The following GTPBP1 variants were observed in gnomAD, a reference collection of about 807,000 sequenced individuals.
GTPBP1 encodes GTP-binding protein 1.
GTPBP1 carries 23 observed loss-of-function variants against 62.0 expected under a neutral mutation model. That is an observed-to-expected ratio of 0.37 (90% CI 0.27 to 0.53). GTPBP1 has a LOEUF of 0.53. GTPBP1 is among the 20% of genes least tolerant of loss of function. The probability of loss-of-function intolerance (pLI) is 0.89; values close to 1 mark genes in which losing one functional copy is unlikely to be tolerated. For missense variants in GTPBP1, 640 were observed against 917.3 expected (o/e 0.70, Z 3.90); for synonymous variants, 344 against 364.4 (o/e 0.94, Z 0.64).
At chr22:38,723,575 A>T (rs934471233) in intron 5 of GTPBP1, 1 of 581,952 alleles carries the variant, frequency 1.7e-6, no homozygotes. Context: ...ATCAGCCCAG[A>T]ATCTTCTGCT....
Position 38,732,777 on chromosome 22 carries a change from A to G in GTPBP1, c.*2073A>G, listed in dbSNP as rs1035731109. ...AGTGGTGTGATCTCTGCTCACTGCAACCTCCGCCTGCCAGTTTCAAGTGAT... is the reference window on the plus strand; with the variant it reads ...AGTGGTGTGATCTCTGCTCACTGCAGCCTCCGCCTGCCAGTTTCAAGTGAT... On this transcript the variant is annotated 3_prime_UTR_variant, in exon 12 of 12. Transcript: ENST00000216044. The G allele has an allele frequency of 6.6e-6, 1 of 152,042 alleles. No homozygotes were observed. The highest frequency in any genetic ancestry group is 6.6e-5 in the Admixed American group (1 of 15,264). The allele number at this position is 152,042 out of a possible 1,614,324, so 9.4% of individuals were successfully genotyped here.
chr22:38,736,464 G>A (rs2092806258), downstream of GTPBP1: 3 of 1,156,998 alleles, frequency 2.6e-6, no homozygotes, highest in Non-Finnish European at 2.4e-6. Flanking sequence ...AGACAGCCTC[G>A]CCTAGGGCCA....
intron 5 of GTPBP1, chr22:38,723,522 G>A (rs986665619): frequency 2.4e-5 from 16 of 656,292 alleles, no homozygotes; most frequent in African/African-American, 5.4e-5. Flanking sequence ...GCACGCGGGC[G>A]AAACTTCCTT....
At chr22:38,740,895 C>T, downstream of GTPBP1, 1 of 1,221,114 alleles carries the variant, frequency 8.2e-7, no homozygotes, top group Non-Finnish European at 1.2e-6. This position sits in a 1 kb window ranked among gnomAD's most constrained non-coding sequence, Gnocchi z 4.8. Flanking sequence ...CTACCATCTG[C>T]TTGGCAAGAT....
chr22:38,738,704 G>A (rs780635160), downstream of GTPBP1: 28 of 1,613,566 alleles, frequency 1.7e-5, no homozygotes, highest in South Asian at 1.6e-4. This position sits in a 1 kb window ranked among gnomAD's most constrained non-coding sequence, Gnocchi z 6.6. Context: ...GGACCACGGC[G>A]AAGCCTTGTG....
rs1333855529 is a variant in GTPBP1 at position 38,715,950 on chromosome 22, C to T, written c.348C>T (p.Ser116=). The change falls in exon 3 of 12, where the codon TCC becomes TCT. Residue 116 remains serine (S), a synonymous_variant. Coordinates refer to ENST00000216044, the MANE Select transcript of GTPBP1 (RefSeq NM_004286.5). Reference sequence around the variant, plus strand: ...TGAGTGAAGCTGACATGGAGGCCTCCTACGCCACAGTGAAGAGCATGGCGG... The same window carrying T: ...TGAGTGAAGCTGACATGGAGGCCTCTTACGCCACAGTGAAGAGCATGGCGG... The part of the protein sequence containing the change: ...YGLSEADMEA[S]YATVKSMAEQ... 1.9e-6 allele frequency: 3 copies of T among 1,613,952 alleles called. No homozygotes were observed. The South Asian group carries it at 3.3e-5, about 18-fold the overall frequency.
At chr22:38,738,420 G>C, downstream of GTPBP1, 1 of 1,136,304 alleles carries the variant, frequency 8.8e-7, no homozygotes, top group Non-Finnish European at 1.3e-6. The surrounding 1 kb of genome is among the most constrained non-coding windows in gnomAD (Gnocchi z 6.6). Flanking sequence ...TGCCTCCAAA[G>C]CCTAAGGTAA....
chr22:38,718,478 A>G (rs1315849254), intron 4 of GTPBP1, among the ~76,000 whole-genome samples: 1 of 152,234 alleles, frequency 6.6e-6, no homozygotes, highest in Non-Finnish European at 1.5e-5. Flanking sequence ...TATTTAAAAT[A>G]TATAGAAAAC....
chr22:38,729,688 G>C, intron 11 of GTPBP1, 26 bp downstream of exon 11: 1 of 1,438,912 alleles, frequency 6.9e-7, no homozygotes, highest in African/African-American at 1.5e-5. Context: ...TCGCAGCTTC[G>C]GCATGGTGGT....
rs1313522333 is a variant in GTPBP1 at position 38,730,646 on chromosome 22, GC to G, written c.1954del (p.Gln652SerfsTer5). On this transcript the variant is annotated frameshift_variant, in exon 12 of 12. Transcript: ENST00000216044. LOFTEE classifies it high-confidence loss of function. The surrounding 1 kb of genome is among the most constrained non-coding windows in gnomAD (Gnocchi z 5.6). The stretch of plus-strand genomic sequence containing the variant: ...AGCAGTGGAGGCCGGCGACGAGGGG[GC>G]CAGCGCCACAAGGTGAAGTCCCAGG... ...KPSSGGRRRG[G>X]QRHKVKSQGA... is the part of the protein sequence containing the mutation. 1 of 1,606,166 alleles carries G rather than the reference GC, an allele frequency of 6.2e-7. No homozygotes were observed. The highest frequency in any genetic ancestry group is 1.1e-5 in the South Asian group (1 of 91,042).
chr22:38,716,141 C>T lies in GTPBP1; in HGVS notation c.485+54C>T, dbSNP rs2092669114. ...CCCCATTCTTCACAGAGGTTGGTGA[C>T]TGAGCCTGTGGCACTTGGCGTGTCA... On this transcript the variant is annotated intron_variant, in intron 3 of 11. Coordinates refer to ENST00000216044, the MANE Select transcript of GTPBP1 (RefSeq NM_004286.5). This position sits in a 1 kb window ranked among gnomAD's most constrained non-coding sequence, Gnocchi z 5.2. The T allele has an allele frequency of 3.5e-6, 5 of 1,430,986 alleles. No homozygotes were observed. The South Asian group carries it at 6.1e-5, about 18-fold the overall frequency. The allele number at this position is 1,430,986 out of a possible 1,614,324, so 88.6% of individuals were successfully genotyped here. A position where few individuals can be genotyped will look rare whatever the true frequency, so the allele number is the denominator to read the frequency against.
Position 38,706,046 on chromosome 22 carries a change from G to A in GTPBP1, c.91G>A (p.Ala31Thr), listed in dbSNP as rs764171310. Reference protein sequence around the residue: ...PEPSSPGAARAAAAAARLHGG... With the variant: ...PEPSSPGAARTAAAAARLHGG... ...GCCCAGCTCCCCGGGGGCGGCCAGG[G>A]CCGCGGCGGCCGCCGCCCGACTCCA... The change falls in exon 1 of 12, where the codon GCC becomes ACC. Residue 31 changes from alanine to threonine, a missense_variant. Coordinates refer to ENST00000216044, the MANE Select transcript of GTPBP1 (RefSeq NM_004286.5). The A allele has an allele frequency of 8.0e-6, 11 of 1,372,598 alleles. No individual in the cohort carries two copies. The South Asian group carries it at 1.4e-4, about 18-fold the overall frequency. The allele number at this position is 1,372,598 out of a possible 1,614,324, so 85.0% of individuals were successfully genotyped here. A position where few individuals can be genotyped will look rare whatever the true frequency, so the allele number is the denominator to read the frequency against.
rs2092766767 is a variant in GTPBP1 at position 38,732,580 on chromosome 22, C to T, written c.*1876C>T. The T allele has an allele frequency of 6.6e-6, 1 of 152,314 alleles. No homozygotes were observed. Among genetic ancestry groups the T allele is most frequent in the Non-Finnish European group, 1.5e-5 (1 of 68,088 alleles). 9.4% of individuals were successfully genotyped at this position (152,314 alleles called of 1,614,324 possible). On this transcript the variant is annotated 3_prime_UTR_variant, in exon 12 of 12. Transcript: ENST00000216044. ...AGCGGTCTGCACACCGTTAGCCACC[C>T]TGCCACCTCTGTGCCCTGGGCAGGC...
downstream of GTPBP1, chr22:38,742,901 G>T (rs748838807): frequency 4.5e-6 from 1 of 221,184 alleles, no homozygotes; most frequent in Non-Finnish European, 9.0e-6. Flanking sequence ...GCTGCAGGGG[G>T]CCGTGGACCC....
downstream of GTPBP1, chr22:38,741,078 G>A: frequency 6.3e-7 from 1 of 1,583,738 alleles, no homozygotes; most frequent in Non-Finnish European, 8.6e-7. Flanking sequence ...ACAAATACAA[G>A]AAATACTCAT....
downstream of GTPBP1, among the ~76,000 whole-genome samples, chr22:38,741,810 G>T (rs557481508): frequency 5.3e-5 from 8 of 152,160 alleles, no homozygotes; most frequent in Non-Finnish European, 8.8e-5. Flanking sequence ...GGGGAGACAC[G>T]ATGGCCTCCA....
intron 2 of GTPBP1, among the ~76,000 whole-genome samples, chr22:38,712,698 C>T (rs1444781986): frequency 2.0e-5 from 3 of 152,032 alleles, no homozygotes; most frequent in Admixed American, 6.6e-5. Flanking sequence ...TGTGACTGAC[C>T]GAGAGCCCTG....
At chr22:38,720,421 G>T (rs894497357) in intron 4 of GTPBP1, among the ~76,000 whole-genome samples, 1 of 151,174 alleles carries the variant, frequency 6.6e-6, no homozygotes, top group Non-Finnish European at 1.5e-5. Flanking sequence ...TAGAGAAGGG[G>T]TTTTCACCAT....
At chr22:38,711,424 T>C (rs1185422111) in intron 2 of GTPBP1, among the ~76,000 whole-genome samples, 1 of 152,174 alleles carries the variant, frequency 6.6e-6, no homozygotes, top group Admixed American at 6.5e-5. Flanking sequence ...TCCCATGGTG[T>C]AGTAGTGAAG....
Sources: allele counts gnomAD v4.1 joint callset (sites outside exome capture counted in the v4.1 genomes callset), GRCh38; gene constraint gnomAD v4.1.1; non-coding constraint Gnocchi (gnomAD v3.1); transcripts MANE v1.5; gene names NCBI Gene and HGNC (gene_info 2026-07-23, HGNC 2026-07-21).